The following CHD1 variants were observed in gnomAD, a reference collection of about 807,000 sequenced individuals.
The protein encoded by CHD1 is chromodomain helicase DNA binding protein 1.
A neutral mutation model predicts 224.2 loss-of-function variants in CHD1; 36 were observed. That is an observed-to-expected ratio of 0.16 (90% CI 0.12 to 0.21). The LOEUF is 0.21. Among genes scored for constraint, CHD1 ranks in the 10% least tolerant of loss-of-function variants. The pLI is 1.00. For missense variants in CHD1, 1,378 were observed against 1,994.8 expected (o/e 0.69, Z 5.89); for synonymous variants, 668 against 658.3 (o/e 1.01, Z -0.23).
rs376028777 is a variant in CHD1, at chr5:98,863,449, T to C, written c.4386A>G (p.Leu1462=). The change falls in exon 32 of 36, where the codon CTA becomes CTG. Residue 1462 remains leucine (L), a synonymous_variant. Coordinates refer to ENST00000614616, the MANE Select transcript of CHD1 (RefSeq NM_001270.4). ...IKIGDHITEC[L]KEYTNPEQIK... ...TTTGTTCAGGATTTGTATACTCTTT[T>C]AGACATTCTGTGATATGGTCTCCAA... The C allele has an allele frequency of 4.4e-6, 7 of 1,601,548 alleles. No homozygotes were observed. The African/African-American group carries it at 8.1e-5, about 19-fold the overall frequency.
At chr5:98,895,469 T>C (rs1475600764) in intron 12 of CHD1, among the ~76,000 whole-genome samples, 2 of 152,142 alleles carry the variant, frequency 1.3e-5, no homozygotes, top group African/African-American at 4.8e-5. Flanking sequence ...AAATGTAAAA[T>C]AGGCTGGTAT....
rs993359025 is a variant in CHD1, at chr5:98,869,211, G to T, written c.4107+543C>A. On this transcript the variant is annotated intron_variant, in intron 30 of 35. Transcript: ENST00000614616. ...TTCTTTATATAAACATCTGGCTCAG[G>T]TTTTTCTTCACTGTCTCTTTCTGTT... is the stretch of plus-strand genomic sequence containing the variant. The T allele has an allele frequency of 5.1e-6, 5 of 980,138 alleles. No homozygotes were observed. In the South Asian group the frequency reaches 2.4e-4, roughly 46 times the overall value. The allele number at this position is 980,138 out of a possible 1,614,324, so 60.7% of individuals were successfully genotyped here.
chr5:98,921,705 G>C (rs750622398), intron 2 of CHD1, among the ~76,000 whole-genome samples: 7 of 152,200 alleles, frequency 4.6e-5, no homozygotes, highest in Non-Finnish European at 7.3e-5. Flanking sequence ...TACTTAAGCA[G>C]AGTAAAAGGG....
chr5:98,903,845 G>T lies in CHD1; in HGVS notation c.319C>A (p.Gln107Lys). 1.9e-6 allele frequency: 3 copies of T among 1,613,366 alleles called. No individual in the cohort carries two copies. The South Asian group carries it at 3.3e-5, about 18-fold the overall frequency. ...QRSAILKKQQ[Q>K]QQQQQQHQAS... ...TGATGTTGTTGTTGCTGCTGCTGCT[G>T]TTGCTGCTTCTTGAGGATTGCAGAT... The change falls in exon 4 of 36, where the codon CAG (glutamine) becomes AAG (lysine). Residue 107 changes from glutamine to lysine, a missense_variant. Physicochemically the swap from Gln to Lys is moderately conservative, Grantham distance 53. Transcript: ENST00000614616.
chr5:98,867,904 G>T (rs769793140), intron 31 of CHD1, among the ~76,000 whole-genome samples: 10 of 147,714 alleles, frequency 6.8e-5, no homozygotes, highest in Middle Eastern at 3.2e-3. Flanking sequence ...CCAGGTTCCA[G>T]CAATTCTCCT....
chr5:98,919,579 G>A (rs1018899082), intron 2 of CHD1, among the ~76,000 whole-genome samples: 7 of 152,166 alleles, frequency 4.6e-5, no homozygotes, highest in Admixed American at 2.0e-4. Context: ...TATATTATGA[G>A]TGAATATATA....
At chr5:98,881,911 A>G in intron 20 of CHD1, 64 bp downstream of exon 20, 1 of 1,374,498 alleles carries the variant, frequency 7.3e-7, no homozygotes, top group Admixed American at 1.8e-5. Flanking sequence ...ACAGTGATGT[A>G]ACATATCAAA....
intron 32 of CHD1, among the ~76,000 whole-genome samples, chr5:98,861,206 G>A (rs1321467623): frequency 6.6e-6 from 1 of 152,046 alleles, no homozygotes; most frequent in Non-Finnish European, 1.5e-5. Flanking sequence ...GCCCTAAAAT[G>A]CTTTTCATCT....
At chr5:98,872,962 C>A (rs1325745049) in intron 26 of CHD1, among the ~76,000 whole-genome samples, 2 of 152,008 alleles carry the variant, frequency 1.3e-5, no homozygotes, top group African/African-American at 2.4e-5. Flanking sequence ...ACTGAGACTA[C>A]AAGCACGCAC....
intron 15 of CHD1, 97 bp downstream of exon 15, chr5:98,892,428 C>G: frequency 1.3e-6 from 1 of 775,404 alleles, no homozygotes; most frequent in Non-Finnish European, 2.0e-6. Context: ...TGCTCTAAGA[C>G]ACTATTGTAG....
At chr5:98,875,497 GA>G (rs1169174550) in intron 24 of CHD1, among the ~76,000 whole-genome samples, 1 of 152,100 alleles carries the variant, frequency 6.6e-6, no homozygotes, top group East Asian at 1.9e-4. Context: ...AAAATTCACT[GA>G]ATAGCTTTAA....
At chr5:98,911,178 G>T (rs1196224787) in intron 2 of CHD1, among the ~76,000 whole-genome samples, 7 of 83,890 alleles carry the variant, frequency 8.3e-5, no homozygotes, top group East Asian at 2.9e-4. Flanking sequence ...TATATATATA[G>T]AGGCATGTCA....
intron 31 of CHD1, among the ~76,000 whole-genome samples, chr5:98,865,350 G>A (rs1051779247): frequency 1.3e-5 from 2 of 152,182 alleles, no homozygotes; most frequent in African/African-American, 4.8e-5. Context: ...AAATGAGATG[G>A]AAAGCCACTG....
chr5:98,872,073 G>A lies in CHD1; in HGVS notation c.3839C>T (p.Pro1280Leu). 6.2e-7 allele frequency: 1 copy of A among 1,612,688 alleles called. No individual in the cohort carries two copies. The highest frequency in any genetic ancestry group is 8.5e-7 in the Non-Finnish European group (1 of 1,179,024). ...TACCTTGTGTGTTAGACTGAGGTCA[G>A]GATCCATTTTAATCATTTCCCAGCT... Reference protein sequence around the residue: ...YGSWEMIKMDPDLSLTHKILP... With the variant: ...YGSWEMIKMDLDLSLTHKILP... The change falls in exon 28 of 36, where the codon CCT becomes CTT. Residue 1280 changes from proline to leucine, a missense_variant. This residue lies in a region of CHD1 where 286 missense variants were observed against 445.1 expected (regional missense o/e 0.64). Transcript: ENST00000614616.
chr5:98,871,193 G>T (rs2112316388), intron 28 of CHD1, among the ~76,000 whole-genome samples: 1 of 151,672 alleles, frequency 6.6e-6, no homozygotes, highest in East Asian at 1.9e-4. Context: ...TAGACTACAA[G>T]ATGTCATCCT....
chr5:98,881,502 T>C (rs1750184570), intron 20 of CHD1, 127 bp from the exon 21 acceptor site: 1 of 541,196 alleles, frequency 1.8e-6, no homozygotes, highest in Non-Finnish European at 3.2e-6. Flanking sequence ...ACAAATCAAG[T>C]ATTAGAATCC....
At chr5:98,878,678 G>A (rs1749947813) in intron 23 of CHD1, among the ~76,000 whole-genome samples, 1 of 152,068 alleles carries the variant, frequency 6.6e-6, no homozygotes, top group Admixed American at 6.5e-5. Flanking sequence ...GAACATGACA[G>A]AATTAAACTA....
intron 2 of CHD1, among the ~76,000 whole-genome samples, chr5:98,924,949 G>C (rs549100071): frequency 1.3e-5 from 2 of 151,506 alleles, no homozygotes; most frequent in South Asian, 2.1e-4. Flanking sequence ...CTGCACTCCA[G>C]CCTGGGCGAC....
At chr5:98,914,471 C>T (rs965647201) in intron 2 of CHD1, among the ~76,000 whole-genome samples, 1 of 151,988 alleles carries the variant, frequency 6.6e-6, no homozygotes, top group East Asian at 1.9e-4. Flanking sequence ...ATCTCTTCAA[C>T]TAATGAGTAC....
Sources: allele counts gnomAD v4.1 joint callset (sites outside exome capture counted in the v4.1 genomes callset), GRCh38; gene constraint gnomAD v4.1.1; regional missense constraint gnomAD v4.1.1; transcripts MANE v1.5; gene names NCBI Gene and HGNC (gene_info 2026-07-23, HGNC 2026-07-21).